Variants in LMOD3 observed in about 807,000 individuals in gnomAD.
LMOD3 encodes leiomodin 3, also known as leiomodin-3.
In LMOD3, 31 loss-of-function variants were observed where a neutral mutation model predicts 41.8. That is an observed-to-expected ratio of 0.74 (90% CI 0.56 to 1.00). The LOEUF (loss-of-function observed/expected upper bound fraction) is 1.00, where lower values mean the gene tolerates loss of function less well. Among genes scored for constraint, LMOD3 ranks in the 50% least tolerant of loss-of-function variants. The pLI is 0.00. For missense variants in LMOD3, 755 were observed against 679.5 expected, an observed-to-expected ratio of 1.11 and a Z score of -1.23; for synonymous variants, 292 against 241.9, an observed-to-expected ratio of 1.21 and a Z score of -1.92.
rs2092331866 is a variant in LMOD3 at position 69,108,278 on chromosome 3, T to C, written c.*817A>G. ...GTGTATTTAGCCAAAACCAAAAGCT[T>C]GTCAATAACTATATTATGTAAAACT... On this transcript the variant is annotated 3_prime_UTR_variant, in exon 3 of 3. Coordinates refer to ENST00000420581, the MANE Select transcript of LMOD3 (RefSeq NM_198271.5). 6.6e-6 allele frequency: 1 copy of C among 152,056 alleles called. No homozygotes were observed. Among genetic ancestry groups the C allele is most frequent in the Non-Finnish European group, 1.5e-5 (1 of 68,006 alleles). 9.4% of individuals were successfully genotyped at this position (152,056 alleles called of 1,614,324 possible). A position where few individuals can be genotyped will look rare whatever the true frequency, so the allele number is the denominator to read the frequency against.
intron 2 of LMOD3, among the ~76,000 whole-genome samples, chr3:69,117,978 C>T (rs1052366211): frequency 5.3e-5 from 8 of 152,040 alleles, no homozygotes; most frequent in African/African-American, 1.2e-4. Flanking sequence ...ACTACAGGTG[C>T]CCGCCACCAT....
chr3:69,111,662 C>T (rs1235411957), intron 2 of LMOD3, among the ~76,000 whole-genome samples: 5 of 152,164 alleles, frequency 3.3e-5, no homozygotes, highest in Admixed American at 2.6e-4. Flanking sequence ...AGCAGCCAGG[C>T]CCTCCTGGAC....
chr3:69,122,388 ATT>A lies in LMOD3; in HGVS notation c.-4_-3del. On this transcript the variant is annotated 5_prime_UTR_variant, in exon 1 of 3. Coordinates refer to ENST00000420581, the MANE Select transcript of LMOD3 (RefSeq NM_198271.5). ...TGAATTTCTGCTGTGCTCTGACATT[ATT>A]TTTTCTAAATATTATTTTACTAGAA... is the stretch of plus-strand genomic sequence containing the variant. 6.5e-7 allele frequency: 1 copy of A among 1,543,924 alleles called. No individual in the cohort carries two copies. Among genetic ancestry groups the A allele is most frequent in the Non-Finnish European group, 8.8e-7 (1 of 1,139,652 alleles).
rs868260103 is a variant in LMOD3 at position 69,111,578 on chromosome 3, T to A, written c.1657-2457A>T. Among the ~76,000 whole-genome samples the A allele has an allele frequency of 1.4e-4, 21 of 152,330 alleles. 1 individual carries two copies. Among genetic ancestry groups the A allele is most frequent in the South Asian group, 8.3e-4 (4 of 4,830 alleles). On this transcript the variant is annotated intron_variant, in intron 2 of 2. Coordinates refer to ENST00000420581, the MANE Select transcript of LMOD3 (RefSeq NM_198271.5). ...CAAAATAATATTTTAAATTTAAAAA[T>A]TTTTTAATTATTTAGAGAGATGAGG...
In LMOD3 at chr3:69,119,328, G is replaced by T; in HGVS notation, c.1027C>A (p.Leu343Ile). Reference sequence around the variant, plus strand: ...ATGTGCCTCTGATTGTGAAACCGAAGCTCAGTTAGCGTCTCATTAAACTGG... The same window carrying T: ...ATGTGCCTCTGATTGTGAAACCGAATCTCAGTTAGCGTCTCATTAAACTGG... The part of the protein sequence containing the change: ...CLQFNETLTE[L>I]RFHNQRHMLG... Residue 343 changes from leucine (L) to isoleucine (I), a missense_variant, in exon 2 of 3, where the codon CTT (leucine) becomes ATT (isoleucine). Transcript: ENST00000420581. The T allele has an allele frequency of 1.9e-6, 3 of 1,613,900 alleles. No individual in the cohort carries two copies. Among genetic ancestry groups the T allele is most frequent in the Non-Finnish European group, 2.5e-6 (3 of 1,179,888 alleles).
At chr3:69,110,287 T>C (rs1265985926) in intron 2 of LMOD3, among the ~76,000 whole-genome samples, 3 of 151,578 alleles carry the variant, frequency 2.0e-5, no homozygotes, top group Non-Finnish European at 4.4e-5. Flanking sequence ...TGGAGTGGAG[T>C]GGCATGATCC....
chr3:69,115,483 A>AACACAC (rs10604147), intron 2 of LMOD3, among the ~76,000 whole-genome samples: 1,562 of 144,998 alleles, frequency 0.011, 26 homozygotes, highest in African/African-American at 0.034. Context: ...TCCTGCCTCA[A>AACACAC]ACACACACAC....
chr3:69,111,102 T>C (rs1313621539), intron 2 of LMOD3, among the ~76,000 whole-genome samples: 1 of 152,080 alleles, frequency 6.6e-6, no homozygotes, highest in Non-Finnish European at 1.5e-5. Context: ...AGGGCATTTG[T>C]ATAACAATGA....
rs748774777 is a variant in LMOD3 at position 69,119,005 on chromosome 3, C to T, written c.1350G>A (p.Pro450=). The T allele has an allele frequency of 6.2e-6, 10 of 1,613,532 alleles. 1 individual carries two copies. The highest frequency in any genetic ancestry group is 2.2e-5 in the South Asian group (2 of 91,038). Reference sequence around the variant, plus strand: ...TTTGGGGGTTGGGAGGCCGAGGTGGCGGTGGCTGGAAGAATTCCTGCATTC... The same window carrying T: ...TTTGGGGGTTGGGAGGCCGAGGTGGTGGTGGCTGGAAGAATTCCTGCATTC... The part of the protein sequence containing the change: ...DSRMQEFFQP[P]PPRPPNPQNV... The change falls in exon 2 of 3, where the codon CCG becomes CCA. Residue 450 remains proline (P), a synonymous_variant. Transcript: ENST00000420581.
chr3:69,113,134 C>T (rs1407325250), intron 2 of LMOD3, among the ~76,000 whole-genome samples: 1 of 151,662 alleles, frequency 6.6e-6, no homozygotes, highest in South Asian at 2.1e-4. Flanking sequence ...GAGGAGGGGT[C>T]GAAGGAAGAA....
Position 69,106,545 on chromosome 3 carries a change from A to G in LMOD3, c.*2550T>C, listed in dbSNP as rs1396676449. ...TGAACTGCTTCACCTCTTTTGGCAA[A>G]ACCTGTGTATTGAGGCCATAAGCTA... On this transcript the variant is annotated 3_prime_UTR_variant, in exon 3 of 3. Coordinates refer to ENST00000420581, the MANE Select transcript of LMOD3 (RefSeq NM_198271.5). Among the ~76,000 whole-genome samples the G allele has an allele frequency of 6.6e-6, 1 of 152,118 alleles. No homozygotes were observed. Among genetic ancestry groups the G allele is most frequent in the Non-Finnish European group, 1.5e-5 (1 of 68,032 alleles).
In LMOD3 at chr3:69,106,741, G is replaced by A. The variant is rs989021101; in HGVS notation, c.*2354C>T. The A allele has an allele frequency of 1.9e-4, 28 of 149,706 alleles. No individual in the cohort carries two copies. Among genetic ancestry groups the A allele is most frequent in the African/African-American group, 6.9e-4 (28 of 40,418 alleles). The allele number at this position is 149,706 out of a possible 1,614,324, so 9.3% of individuals were successfully genotyped here. The stretch of plus-strand genomic sequence containing the variant: ...AGGTTTCGCTCTTGTTGCCCAGGCT[G>A]GAGTGCAATGGTGCAATCTCAGCTC... On this transcript the variant is annotated 3_prime_UTR_variant, in exon 3 of 3. Coordinates refer to ENST00000420581, the MANE Select transcript of LMOD3 (RefSeq NM_198271.5).
chr3:69,118,402 A>G (rs1350257170), intron 2 of LMOD3, among the ~76,000 whole-genome samples: 2 of 152,158 alleles, frequency 1.3e-5, no homozygotes, highest in African/African-American at 4.8e-5. Flanking sequence ...TAGGGTTAGT[A>G]AGATGATTAC....
Position 69,119,249 on chromosome 3 carries a change from GTGT to G in LMOD3, c.1103_1105del (p.Asn368del), listed in dbSNP as rs727502798. 5.6e-6 allele frequency: 9 copies of G among 1,613,838 alleles called. No individual in the cohort carries two copies. Among genetic ancestry groups the G allele is most frequent in the Non-Finnish European group, 6.8e-6 (8 of 1,179,874 alleles). On this transcript the variant is annotated inframe_deletion, in exon 2 of 3. Coordinates refer to ENST00000420581, the MANE Select transcript of LMOD3 (RefSeq NM_198271.5). ...AAAATGGTAGCCCATCTTCAGGAGA[GTGT>G]TGTTTGCCTTCAAAAGCCTGGCTAT...
intron 2 of LMOD3, among the ~76,000 whole-genome samples, chr3:69,110,228 GATTTTT>G (rs2092342051): frequency 6.6e-6 from 1 of 151,594 alleles, no homozygotes; most frequent in African/African-American, 2.4e-5. Context: ...ACCTTGTTAG[GATTTTT>G]ATTTTATTTT....
In LMOD3 at chr3:69,106,272, C is replaced by T. The variant is rs2092322115; in HGVS notation, c.*2823G>A. Among the ~76,000 whole-genome samples, 1 of 152,000 alleles carries T rather than the reference C, an allele frequency of 6.6e-6. No individual in the cohort carries two copies. The highest frequency in any genetic ancestry group is 2.1e-4 in the South Asian group (1 of 4,816). On this transcript the variant is annotated 3_prime_UTR_variant, in exon 3 of 3. Transcript: ENST00000420581. ...GGCACGAGTTTTATATACATGTTAG[C>T]CCAGTTTTATATACATGTTAGCCCA...
intron 1 of LMOD3, among the ~76,000 whole-genome samples, chr3:69,120,468 T>C (rs1378664835): frequency 6.6e-6 from 1 of 151,590 alleles, no homozygotes; most frequent in Non-Finnish European, 1.5e-5. Flanking sequence ...TATAAATATA[T>C]TAGAATAAGG....
chr3:69,117,614 G>A (rs150326796), intron 2 of LMOD3, among the ~76,000 whole-genome samples: 466 of 152,176 alleles, frequency 3.1e-3, no homozygotes, highest in African/African-American at 9.6e-3. Flanking sequence ...TTTCCACTCG[G>A]CAGTAATCGT....
intron 2 of LMOD3, among the ~76,000 whole-genome samples, chr3:69,112,928 C>T (rs997917219): frequency 6.6e-6 from 1 of 152,194 alleles, no homozygotes; most frequent in Non-Finnish European, 1.5e-5. Context: ...TCCCACTACA[C>T]ATCAAAGGCA....
Sources: allele counts gnomAD v4.1 joint callset (sites outside exome capture counted in the v4.1 genomes callset), GRCh38; gene constraint gnomAD v4.1.1; transcripts MANE v1.5; gene names NCBI Gene and HGNC (gene_info 2026-07-23, HGNC 2026-07-21).